Variants in HSCB observed in about 807,000 individuals in gnomAD.
HSCB encodes HscB mitochondrial iron-sulfur cluster cochaperone, also known as iron-sulfur cluster co-chaperone protein HscB.
In HSCB, 23 loss-of-function variants were observed where a neutral mutation model predicts 31.3. That is an observed-to-expected ratio of 0.74 (90% CI 0.53 to 1.04). The LOEUF (loss-of-function observed/expected upper bound fraction) is 1.04, where lower values mean the gene tolerates loss of function less well. Ranked by LOEUF, HSCB falls within the 50% of genes least tolerant of loss-of-function variation. HSCB has a pLI of 0.00. For missense variants in HSCB, 297 were observed against 288.1 expected, an observed-to-expected ratio of 1.03 and a Z score of -0.22; for synonymous variants, 110 against 104.5, an observed-to-expected ratio of 1.05 and a Z score of -0.32.
intron 4 of HSCB, among the ~76,000 whole-genome samples, chr22:28,750,835 A>G (rs911020983): frequency 6.6e-6 from 1 of 152,084 alleles, no homozygotes; most frequent in Non-Finnish European, 1.5e-5. Flanking sequence ...GGTTGCCGGA[A>G]ACACTCAGTA....
intron 4 of HSCB, among the ~76,000 whole-genome samples, chr22:28,746,797 G>A (rs929236299): frequency 2.0e-5 from 3 of 151,890 alleles, no homozygotes; most frequent in Admixed American, 2.0e-4. Context: ...TACTCGGGAA[G>A]CTGAAGCAGG....
chr22:28,748,004 T>G (rs1175140270), intron 4 of HSCB, among the ~76,000 whole-genome samples: 1 of 152,098 alleles, frequency 6.6e-6, no homozygotes, highest in Non-Finnish European at 1.5e-5. Context: ...GGTAACATGA[T>G]GAAACCCTGT....
Position 28,744,022 on chromosome 22 carries a change from C to T in HSCB, c.333+44C>T, listed in dbSNP as rs767519198. The T allele has an allele frequency of 4.4e-6, 6 of 1,354,992 alleles. No homozygotes were observed. The Admixed American group carries it at 5.0e-5, about 11-fold the overall frequency. 83.9% of individuals were successfully genotyped at this position (1,354,992 alleles called of 1,614,324 possible). On this transcript the variant is annotated intron_variant, in intron 2 of 5. Transcript: ENST00000216027. ...CCAATAATCCCCAAATATGTGTGCA[C>T]ACTGGGTGGCAGTAGCCTTGTGGTT...
intron 4 of HSCB, among the ~76,000 whole-genome samples, chr22:28,750,247 CAAAAAA>C (rs563701958): frequency 0.043 from 2,741 of 64,386 alleles, 27 homozygotes; most frequent in East Asian, 0.076. Flanking sequence ...GAAACTGTCT[CAAAAAA>C]AAAAAAAAAA....
intron 5 of HSCB, among the ~76,000 whole-genome samples, chr22:28,754,855 G>C (rs1485767066): frequency 6.6e-6 from 1 of 150,654 alleles, no homozygotes; most frequent in Non-Finnish European, 1.5e-5. Flanking sequence ...GAGTACTGTG[G>C]CATGATCTCA....
rs777403285 is a variant in HSCB at position 28,744,596 on chromosome 22, T to C, written c.334-19T>C. On this transcript the variant is annotated intron_variant, in intron 2 of 5. Coordinates refer to ENST00000216027, the MANE Select transcript of HSCB (RefSeq NM_172002.5). ...TGTGATTTGGATGGTAATAGTACTATCTTCATCTCCACTAACAGACTGAAA... is the reference window on the plus strand; with the variant it reads ...TGTGATTTGGATGGTAATAGTACTACCTTCATCTCCACTAACAGACTGAAA... 28 of 1,553,632 alleles carry C rather than the reference T, an allele frequency of 1.8e-5. No individual in the cohort carries two copies. In the East Asian group the frequency reaches 5.6e-4, roughly 31 times the overall value.
chr22:28,743,448 C>G (rs1378762071), intron 1 of HSCB, among the ~76,000 whole-genome samples: 1 of 152,198 alleles, frequency 6.6e-6, no homozygotes, highest in Non-Finnish European at 1.5e-5. Flanking sequence ...AGAAATCTGA[C>G]TAAAGTTTGG....
Position 28,745,998 on chromosome 22 carries a change from C to T in HSCB, c.558C>T (p.Ser186=), listed in dbSNP as rs1356838252. ...ESEAAMKEIE[S]IVKAKQKEFT... is the part of the protein sequence containing the mutation. ...AAGCTGCCATGAAAGAGATTGAATC[C>T]ATTGTCAAAGGTGAAAGATAAAATA... Residue 186 remains serine, a synonymous_variant, in exon 4 of 6, where the codon TCC becomes TCT. Transcript: ENST00000216027. 2 of 1,610,564 alleles carry T rather than the reference C, an allele frequency of 1.2e-6. No homozygotes were observed. Among genetic ancestry groups the T allele is most frequent in the Admixed American group, 3.4e-5 (2 of 58,990 alleles).
intron 4 of HSCB, 104 bp from the exon 5 acceptor site, chr22:28,751,137 T>G: frequency 1.5e-6 from 1 of 688,854 alleles, no homozygotes; most frequent in Non-Finnish European, 2.5e-6. Flanking sequence ...ACAAACTTCC[T>G]CCTTTGTTGT....
intron 5 of HSCB, among the ~76,000 whole-genome samples, chr22:28,755,326 C>T (rs961109636): frequency 6.6e-6 from 1 of 151,786 alleles, no homozygotes; most frequent in Non-Finnish European, 1.5e-5. Context: ...AGGAGAATGG[C>T]GTGAACCGGG....
chr22:28,750,642 C>T lies in HSCB; in HGVS notation c.569-599C>T, dbSNP rs539739150. On this transcript the variant is annotated intron_variant, in intron 4 of 5. Transcript: ENST00000216027. ...TTGACAGTGCTTCGAAAGACGACAC[C>T]ATATAAATAACTGACACTATTTATA... Among the ~76,000 whole-genome samples the T allele has an allele frequency of 3.3e-5, 5 of 152,222 alleles. No individual in the cohort carries two copies. The East Asian group carries it at 5.8e-4, about 18-fold the overall frequency.
At position 28,757,021 on chromosome 22, in the gene HSCB, G is replaced by A. The variant is rs917444919; in HGVS notation, c.617-57G>A. The A allele has an allele frequency of 3.0e-6, 3 of 984,956 alleles. No individual in the cohort carries two copies. The African/African-American group carries it at 4.8e-5, about 16-fold the overall frequency. The allele number at this position is 984,956 out of a possible 1,614,324, so 61.0% of individuals were successfully genotyped here. On this transcript the variant is annotated intron_variant, in intron 5 of 5. Transcript: ENST00000216027. ...ATATATCGCTGCCCTAGTCATCAGAGTTGGTTTTATTCTTGCTTGAAATGA... is the reference window on the plus strand; with the variant it reads ...ATATATCGCTGCCCTAGTCATCAGAATTGGTTTTATTCTTGCTTGAAATGA...
intron 5 of HSCB, among the ~76,000 whole-genome samples, chr22:28,754,957 G>T (rs960381507): frequency 1.4e-4 from 21 of 150,410 alleles, no homozygotes; most frequent in Admixed American, 1.4e-3. Context: ...CACCACACCC[G>T]GCTAATTTTT....
chr22:28,746,066 G>A, intron 4 of HSCB, 58 bp downstream of exon 4: 12 of 1,533,818 alleles, frequency 7.8e-6, no homozygotes, highest in Non-Finnish European at 1.1e-5. Flanking sequence ...CTTGTCCAAG[G>A]ATTAGTGAAA....
At position 28,751,296 on chromosome 22, in the gene HSCB, C is replaced by G; in HGVS notation, c.616+8C>G. The G allele has an allele frequency of 2.6e-6, 4 of 1,550,326 alleles. No individual in the cohort carries two copies. The highest frequency in any genetic ancestry group is 2.3e-5 in the East Asian group (1 of 44,426). On this transcript the variant is annotated splice_region_variant and intron_variant, in intron 5 of 5. Coordinates refer to ENST00000216027, the MANE Select transcript of HSCB (RefSeq NM_172002.5). ...GCAGTGCTTTTGAACAAGGTACTTT[C>G]TTTTCTTCACTTTCTTAAATATGGA...
chr22:28,745,942 A>C lies in HSCB; in HGVS notation c.502A>C (p.Ile168Leu), dbSNP rs17885263. ...DRQFLIEIME[I>L]NEKLAEAESE... Reference sequence around the variant, plus strand: ...GCAATTCCTCATAGAAATAATGGAAATCAATGAAAAACTCGCAGAAGCTGA... The same window carrying C: ...GCAATTCCTCATAGAAATAATGGAACTCAATGAAAAACTCGCAGAAGCTGA... Residue 168 changes from isoleucine (I) to leucine (L), a missense_variant, in exon 4 of 6, where the codon ATC becomes CTC. Physicochemically the swap from Ile to Leu is conservative, Grantham distance 5. Coordinates refer to ENST00000216027, the MANE Select transcript of HSCB (RefSeq NM_172002.5). The C allele has an allele frequency of 7.4e-4, 1,192 of 1,613,802 alleles. 2 individuals are homozygous for C. The highest frequency in any genetic ancestry group is 8.9e-4 in the Non-Finnish European group (1,048 of 1,179,712).
At chr22:28,745,517 A>C (rs2054670767) in intron 3 of HSCB, 1 of 160,232 alleles carries the variant, frequency 6.2e-6, no homozygotes, top group African/African-American at 2.4e-5. Flanking sequence ...ACTGCACTCC[A>C]GCCTGGGCGA....
intron 2 of HSCB, 140 bp from the exon 3 acceptor site, chr22:28,744,475 G>A (rs960587472): frequency 7.9e-6 from 5 of 630,368 alleles, no homozygotes; most frequent in Admixed American, 5.1e-5. Context: ...TCACTTGAAC[G>A]TGGGAGGTGG....
intron 1 of HSCB, 150 bp downstream of exon 1, chr22:28,742,481 T>C: frequency 7.5e-7 from 1 of 1,339,682 alleles, no homozygotes; most frequent in South Asian, 1.5e-5. Flanking sequence ...AGAAGTGTCT[T>C]GATTTCTCAG....
Sources: gnomAD v4.1 joint callset for allele counts (sites outside exome capture counted in the v4.1 genomes callset) on GRCh38, gnomAD v4.1.1 for gene constraint, MANE v1.5 for transcripts, NCBI Gene and HGNC (gene_info 2026-07-23, HGNC 2026-07-21) for gene names.